The following RSPO2 variants were observed in gnomAD, a reference collection of about 807,000 sequenced individuals.
RSPO2 encodes R-spondin-2.
RSPO2 carries 14 observed loss-of-function variants against 30.9 expected under a neutral mutation model. That is an observed-to-expected ratio of 0.45 (90% CI 0.30 to 0.71). The LOEUF (loss-of-function observed/expected upper bound fraction) is 0.71, where lower values mean the gene tolerates loss of function less well. RSPO2 is among the 30% of genes least tolerant of loss of function. The probability of loss-of-function intolerance (pLI) is 0.08; values close to 1 mark genes in which losing one functional copy is unlikely to be tolerated. For synonymous variants in RSPO2, 107 were observed against 96.4 expected (o/e 1.11, Z -0.64); for missense variants, 264 against 301.9 (o/e 0.87, Z 0.93).
chr8:108,072,486 C>T (rs926044479), intron 2 of RSPO2, among the ~76,000 whole-genome samples: 4 of 138,410 alleles, frequency 2.9e-5, no homozygotes, highest in African/African-American at 8.3e-5. Flanking sequence ...CCACCAAGCC[C>T]GGCTAATTTT....
At chr8:107,906,852 TTAATCAAGCTAA>T (rs1436877335) in intron 5 of RSPO2, among the ~76,000 whole-genome samples, 3 of 151,970 alleles carry the variant, frequency 2.0e-5, no homozygotes, top group African/African-American at 4.8e-5. Flanking sequence ...TGTGATATGG[TTAATCAAGCTAA>T]TAATCAAGCG....
At chr8:108,041,722 T>C (rs949606946) in intron 2 of RSPO2, among the ~76,000 whole-genome samples, 1 of 152,038 alleles carries the variant, frequency 6.6e-6, no homozygotes, top group African/African-American at 2.4e-5. Context: ...AGAAAACCAT[T>C]TGGAAGAGTC....
At chr8:107,906,616 C>G (rs905421514) in intron 5 of RSPO2, among the ~76,000 whole-genome samples, 5 of 151,892 alleles carry the variant, frequency 3.3e-5, no homozygotes, top group Non-Finnish European at 7.4e-5. Context: ...CTAAACACTT[C>G]AGACATTAAG....
chr8:107,951,207 C>A (rs148528943), intron 5 of RSPO2, among the ~76,000 whole-genome samples: 2 of 151,944 alleles, frequency 1.3e-5, no homozygotes, highest in African/African-American at 4.8e-5. Context: ...AGGCATGTAC[C>A]ACCACACCCA....
At chr8:108,000,871 G>A (rs1157758255) in intron 2 of RSPO2, among the ~76,000 whole-genome samples, 4 of 151,940 alleles carry the variant, frequency 2.6e-5, no homozygotes, top group Admixed American at 6.6e-5. Context: ...GTGTGGTGGT[G>A]GGCGCCTGTA....
intron 2 of RSPO2, among the ~76,000 whole-genome samples, chr8:108,064,707 T>C (rs1035216059): frequency 6.6e-6 from 1 of 152,166 alleles, no homozygotes. Context: ...CATGCTGCTA[T>C]AAAGACACAT....
chr8:108,036,399 C>G (rs1420114024), intron 2 of RSPO2, among the ~76,000 whole-genome samples: 2 of 152,174 alleles, frequency 1.3e-5, no homozygotes, highest in Non-Finnish European at 2.9e-5. Flanking sequence ...ATCCTCTCTG[C>G]CCCCTCTGCA....
At position 108,063,730 on chromosome 8, in the gene RSPO2, A is replaced by G. The variant is rs558853135; in HGVS notation, c.94+18815T>C. ...GAGCCCGCATTGCCAAGTCAATCCT[A>G]AGCCAAAAGAACAAAGCTGGAGGCA... is the stretch of plus-strand genomic sequence containing the variant. On this transcript the variant is annotated intron_variant, in intron 2 of 5. Coordinates refer to ENST00000276659, the MANE Select transcript of RSPO2 (RefSeq NM_178565.5). Among the ~76,000 whole-genome samples the G allele has an allele frequency of 4.6e-5, 7 of 152,086 alleles. No individual in the cohort carries two copies. In the South Asian group the frequency reaches 1.5e-3, roughly 32 times the overall value.
chr8:107,955,616 G>A (rs979404709), intron 5 of RSPO2, among the ~76,000 whole-genome samples: 5 of 145,606 alleles, frequency 3.4e-5, no homozygotes, highest in Non-Finnish European at 7.6e-5. Context: ...GGAAAAACTA[G>A]GCTAAGCATT....
intron 2 of RSPO2, among the ~76,000 whole-genome samples, chr8:108,015,520 G>C (rs1199737364): frequency 6.6e-6 from 1 of 152,106 alleles, no homozygotes; most frequent in Non-Finnish European, 1.5e-5. Flanking sequence ...CCTCAACTGT[G>C]ACCCCTGTCC....
rs61697128 is a variant in RSPO2 at position 107,963,522 on chromosome 8, C to CAAAAAAAAAA, written c.284-2715_284-2706dup. Reference sequence around the variant, plus strand: ...TTAGGCAATGAAGTGAGACCTGTCTCAAAAAAAAAAAAAAAAAAAAAAAAA... The same window carrying CAAAAAAAAAA: ...TTAGGCAATGAAGTGAGACCTGTCTCAAAAAAAAAAAAAAAAAAAAAAAAAAAAAAAAAAA... On this transcript the variant is annotated intron_variant, in intron 3 of 5. Coordinates refer to ENST00000276659, the MANE Select transcript of RSPO2 (RefSeq NM_178565.5). Among the ~76,000 whole-genome samples the CAAAAAAAAAA allele has an allele frequency of 2.7e-3, 85 of 32,014 alleles. 28 individuals carry two copies. The highest frequency in any genetic ancestry group is 9.3e-3 in the East Asian group (8 of 860). 21.0% of individuals were successfully genotyped at this position (32,014 alleles called of 152,430 possible). A position where few individuals can be genotyped will look rare whatever the true frequency, so the allele number is the denominator to read the frequency against.
At chr8:107,931,904 T>TA (rs2130347447) in intron 5 of RSPO2, among the ~76,000 whole-genome samples, 1 of 152,320 alleles carries the variant, frequency 6.6e-6, no homozygotes, top group African/African-American at 2.4e-5. Context: ...CATGTGCATC[T>TA]ACCTCCACTT....
intron 2 of RSPO2, among the ~76,000 whole-genome samples, chr8:107,990,568 T>C (rs1321416814): frequency 6.6e-6 from 1 of 152,026 alleles, no homozygotes; most frequent in Non-Finnish European, 1.5e-5. Flanking sequence ...CACAAACAAA[T>C]GGAAAAACCT....
At chr8:107,981,295 G>A (rs10111595) in intron 3 of RSPO2, among the ~76,000 whole-genome samples, 10,817 of 152,124 alleles carry the variant, frequency 0.071, 788 homozygotes, top group African/African-American at 0.18. Context: ...AAGATGGGGG[G>A]ATTTCCTGAG....
intron 5 of RSPO2, among the ~76,000 whole-genome samples, chr8:107,949,617 T>G (rs992082249): frequency 6.6e-6 from 1 of 152,146 alleles, no homozygotes; most frequent in Non-Finnish European, 1.5e-5. Flanking sequence ...AAGTGAAATA[T>G]CTCAGAAACA....
intron 3 of RSPO2, 26 bp downstream of exon 3, chr8:107,989,030 C>T (rs745390046): frequency 5.1e-6 from 8 of 1,565,810 alleles, no homozygotes; most frequent in African/African-American, 1.4e-5. Flanking sequence ...TCCAGCAATA[C>T]AGGATAGACA....
At chr8:107,901,860 C>A (rs953243588) in intron 5 of RSPO2, among the ~76,000 whole-genome samples, 6 of 152,182 alleles carry the variant, frequency 3.9e-5, no homozygotes, top group South Asian at 2.1e-4. Flanking sequence ...TGTCTAACTA[C>A]CAGACGATCA....
rs1205170970 is a variant in RSPO2 at position 107,989,122 on chromosome 8, C to G, written c.217G>C (p.Glu73Gln). ...CCGGATGGGCAGGAATGCAGGCACT[C>G]TCCATACTGGCGCATCCCTTCTCTT... Reference protein sequence around the residue: ...LRREGMRQYGECLHSCPSGYY... With the variant: ...LRREGMRQYGQCLHSCPSGYY... Residue 73 changes from glutamate (E) to glutamine (Q), a missense_variant, in exon 3 of 6, where the codon GAG becomes CAG. Coordinates refer to ENST00000276659, the MANE Select transcript of RSPO2 (RefSeq NM_178565.5). The G allele has an allele frequency of 1.2e-5, 20 of 1,611,950 alleles. No homozygotes were observed. Among genetic ancestry groups the G allele is most frequent in the Non-Finnish European group, 1.6e-5 (19 of 1,179,648 alleles).
At chr8:108,002,567 C>A (rs1289101744) in intron 2 of RSPO2, among the ~76,000 whole-genome samples, 1 of 152,082 alleles carries the variant, frequency 6.6e-6, no homozygotes, top group Non-Finnish European at 1.5e-5. Context: ...TTAAGTTATT[C>A]AATTATCCCT....
Sources: allele counts gnomAD v4.1 joint callset (sites outside exome capture counted in the v4.1 genomes callset), GRCh38; gene constraint gnomAD v4.1.1; transcripts MANE v1.5; gene names NCBI Gene and HGNC (gene_info 2026-07-23, HGNC 2026-07-21).